The following ZNF274 variants were observed in gnomAD, a reference collection of about 807,000 sequenced individuals.
The protein encoded by ZNF274 is neurotrophin receptor-interacting factor homolog.
A neutral mutation model predicts 42.5 loss-of-function variants in ZNF274; 23 were observed. That is an observed-to-expected ratio of 0.54 (90% CI 0.39 to 0.77). The LOEUF (loss-of-function observed/expected upper bound fraction) is 0.77. Ranked by LOEUF, ZNF274 falls within the 30% of genes least tolerant of loss-of-function variation. ZNF274 has a pLI of 0.00. For synonymous variants in ZNF274, 292 were observed against 305.4 expected, an observed-to-expected ratio of 0.96 and a Z score of 0.46; for missense variants, 679 against 806.5, an observed-to-expected ratio of 0.84 and a Z score of 1.91.
At chr19:58,200,250 A>G (rs1034541047) in intron 4 of ZNF274, among the ~76,000 whole-genome samples, 1 of 152,232 alleles carries the variant, frequency 6.6e-6, no homozygotes, top group Non-Finnish European at 1.5e-5. Flanking sequence ...GAAGTTGCCC[A>G]TTCAGTACCT....
chr19:58,184,605 G>C (rs1404273058), intron 2 of ZNF274: 7 of 152,376 alleles, frequency 4.6e-5, no homozygotes, highest in South Asian at 2.0e-4. Context: ...CTTATGTTTA[G>C]ATTTCAGCAG....
chr19:58,185,695 A>G lies in ZNF274; in HGVS notation c.34-17A>G. 7.0e-7 allele frequency: 1 copy of G among 1,434,662 alleles called. No individual in the cohort carries two copies. The highest frequency in any genetic ancestry group is 9.2e-7 in the Non-Finnish European group (1 of 1,087,778). The allele number at this position is 1,434,662 out of a possible 1,614,324, so 88.9% of individuals were successfully genotyped here. A position where few individuals can be genotyped will look rare whatever the true frequency, so the allele number is the denominator to read the frequency against. ...GATGCGGATGGCCTGTGGCTGAACA[A>G]GAATCTGGATTTTTAGGAACCAGTG... On this transcript the variant is annotated splice_polypyrimidine_tract_variant and intron_variant, in intron 2 of 7. Transcript: ENST00000617501.
chr19:58,213,367 TGATA>T lies in ZNF274; in HGVS notation c.*225_*228del, dbSNP rs1273618498. 4.0e-6 allele frequency: 2 copies of T among 494,270 alleles called. No individual in the cohort carries two copies. The highest frequency in any genetic ancestry group is 3.8e-5 in the African/African-American group (2 of 52,508). The allele number at this position is 494,270 out of a possible 1,614,324, so 30.6% of individuals were successfully genotyped here. On this transcript the variant is annotated 3_prime_UTR_variant, in exon 8 of 8. Coordinates refer to ENST00000617501, the MANE Select transcript of ZNF274 (RefSeq NM_133502.3). ...TTGGAAAAAAGATTTCCCATTCACT[TGATA>T]TTGTTTGTTCACTCATTTAGTCATT...
chr19:58,188,692 A>ATT, intron 4 of ZNF274, among the ~76,000 whole-genome samples: 1 of 68,544 alleles, frequency 1.5e-5, no homozygotes, highest in African/African-American at 6.1e-5. Flanking sequence ...ATATATGTAT[A>ATT]TGTATATATA....
Position 58,207,117 on chromosome 19 carries a change from G to A in ZNF274, c.654G>A (p.Arg218=). 3.7e-6 allele frequency: 6 copies of A among 1,613,802 alleles called. No individual in the cohort carries two copies. Among genetic ancestry groups the A allele is most frequent in the Non-Finnish European group, 5.1e-6 (6 of 1,179,894 alleles). The part of the protein sequence containing the change: ...QFLGALPVKL[R]TWVESQHPEN... ...TAGGTGCACTGCCTGTGAAGCTCCG[G>A]ACATGGGTGGAATCGCAGCACCCAG... is the stretch of plus-strand genomic sequence containing the variant. Residue 218 remains arginine, a synonymous_variant, in exon 5 of 8, where the codon CGG becomes CGA. Transcript: ENST00000617501. This position sits in a 1 kb window ranked among gnomAD's most constrained non-coding sequence, Gnocchi z 5.6.
chr19:58,211,498 C>G lies in ZNF274; in HGVS notation c.853-62C>G. 2 of 1,553,972 alleles carry G rather than the reference C, an allele frequency of 1.3e-6. No individual in the cohort carries two copies. The highest frequency in any genetic ancestry group is 4.6e-5 in the East Asian group (2 of 43,250). ...CAGAACCTCCCAGCTGGCCTTTCTT[C>G]TGCCCTCATTGACAACCCTCTGACC... On this transcript the variant is annotated intron_variant, in intron 6 of 7. Coordinates refer to ENST00000617501, the MANE Select transcript of ZNF274 (RefSeq NM_133502.3). The surrounding 1 kb of genome is among the most constrained non-coding windows in gnomAD (Gnocchi z 4.8).
Position 58,187,016 on chromosome 19 carries a change from G to A in ZNF274, c.230G>A (p.Arg77Lys). ...EEAEDFWPVE[R>K]GIPQDTIPEY... ...GCAGAAGATTTCTGGCCAGTGGAGAGAGGAATTCCTCAAGACACCATTCCA... is the reference window on the plus strand; with the variant it reads ...GCAGAAGATTTCTGGCCAGTGGAGAAAGGAATTCCTCAAGACACCATTCCA... The change falls in exon 4 of 8, where the codon AGA (arginine) becomes AAA (lysine). Residue 77 changes from arginine to lysine, a missense_variant. Physicochemically the swap from Arg to Lys is conservative, Grantham distance 26. Coordinates refer to ENST00000617501, the MANE Select transcript of ZNF274 (RefSeq NM_133502.3). 6.2e-7 allele frequency: 1 copy of A among 1,613,042 alleles called. No homozygotes were observed. Among genetic ancestry groups the A allele is most frequent in the Non-Finnish European group, 8.5e-7 (1 of 1,179,538 alleles).
chr19:58,194,820 C>G (rs949788631), intron 4 of ZNF274, among the ~76,000 whole-genome samples: 1 of 151,880 alleles, frequency 6.6e-6, no homozygotes, highest in Non-Finnish European at 1.5e-5. Context: ...CTGGCTAACA[C>G]GGAAACCCCA....
chr19:58,211,283 C>T lies in ZNF274; in HGVS notation c.853-277C>T, dbSNP rs1356131744. 2.2e-5 allele frequency: 7 copies of T among 317,414 alleles called. No individual in the cohort carries two copies. Among genetic ancestry groups the T allele is most frequent in the African/African-American group, 4.3e-5 (2 of 46,918 alleles). The allele number at this position is 317,414 out of a possible 1,614,324, so 19.7% of individuals were successfully genotyped here. On this transcript the variant is annotated intron_variant, in intron 6 of 7. Coordinates refer to ENST00000617501, the MANE Select transcript of ZNF274 (RefSeq NM_133502.3). The surrounding 1 kb of genome is among the most constrained non-coding windows in gnomAD (Gnocchi z 4.8). ...TGGGAAGATTTCAGCAATGGGCAAG[C>T]TGGATAGAGCCGTGGTTAGGATGGA...
intron 4 of ZNF274, among the ~76,000 whole-genome samples, chr19:58,205,616 T>A (rs958722619): frequency 5.3e-5 from 8 of 152,192 alleles, no homozygotes; most frequent in African/African-American, 1.9e-4. Context: ...ATCACAGGTG[T>A]GAGCCACCCC....
chr19:58,197,192 C>T (rs972435779), intron 4 of ZNF274, among the ~76,000 whole-genome samples: 1 of 152,180 alleles, frequency 6.6e-6, no homozygotes, highest in East Asian at 1.9e-4. Context: ...AAGGATCCCT[C>T]TCTGAACACA....
rs767111760 is a variant in ZNF274 at position 58,212,874 on chromosome 19, T to C, written c.1693T>C (p.Cys565Arg). ...RVHSGERPFE[C>R]QECGRTFNDR... ...TCATTCTGGAGAGAGACCATTTGAATGTCAGGAGTGTGGGAGGACCTTCAA... is the reference window on the plus strand; with the variant it reads ...TCATTCTGGAGAGAGACCATTTGAACGTCAGGAGTGTGGGAGGACCTTCAA... Residue 565 changes from cysteine (C) to arginine (R), a missense_variant, in exon 8 of 8, where the codon TGT becomes CGT. Cys to Arg is a radical substitution (Grantham distance 180). Coordinates refer to ENST00000617501, the MANE Select transcript of ZNF274 (RefSeq NM_133502.3). This position sits in a 1 kb window ranked among gnomAD's most constrained non-coding sequence, Gnocchi z 4.6. 4 of 1,613,994 alleles carry C rather than the reference T, an allele frequency of 2.5e-6. No homozygotes were observed. Among genetic ancestry groups the C allele is most frequent in the Non-Finnish European group, 3.4e-6 (4 of 1,179,904 alleles).
At position 58,206,852 on chromosome 19, in the gene ZNF274, C is replaced by A; in HGVS notation, c.389C>A (p.Ala130Asp). The change falls in exon 5 of 8, where the codon GCC (alanine) becomes GAC (aspartate). Residue 130 changes from alanine (A) to aspartate (D), a missense_variant. Transcript: ENST00000617501. ...VAGPRNAQIQ[A>D]LYAEDGSLSA... Reference sequence around the variant, plus strand: ...GGTCCCCGGAATGCCCAGATCCAGGCCCTATATGCTGAAGATGGAAGCCTG... The same window carrying A: ...GGTCCCCGGAATGCCCAGATCCAGGACCTATATGCTGAAGATGGAAGCCTG... 1 of 1,613,976 alleles carries A rather than the reference C, an allele frequency of 6.2e-7. No homozygotes were observed. Among genetic ancestry groups the A allele is most frequent in the Non-Finnish European group, 8.5e-7 (1 of 1,179,878 alleles).
Position 58,213,224 on chromosome 19 carries a change from A to G in ZNF274, c.*81A>G. The G allele has an allele frequency of 6.7e-7, 1 of 1,500,182 alleles. No individual in the cohort carries two copies. The highest frequency in any genetic ancestry group is 1.4e-5 in the African/African-American group (1 of 71,698). The allele number at this position is 1,500,182 out of a possible 1,614,324, so 92.9% of individuals were successfully genotyped here. ...TGCACAGGCCTGCTTGTGAATCAGG[A>G]CTGAATGTGAAAGGGAAGTATTGAG... On this transcript the variant is annotated 3_prime_UTR_variant, in exon 8 of 8. Transcript: ENST00000617501.
chr19:58,195,007 T>A (rs959210221), intron 4 of ZNF274, among the ~76,000 whole-genome samples: 5 of 144,010 alleles, frequency 3.5e-5, no homozygotes, highest in Admixed American at 1.4e-4. Flanking sequence ...TGTCAAAAAA[T>A]AATAATAATA....
rs906325633 is a variant in ZNF274 at position 58,213,430 on chromosome 19, A to G, written c.*287A>G. ...GATTAATAAAATCTGAAAATGTTAT[A>G]TAATAACTTTAAAAAGCCAGGTAAT... On this transcript the variant is annotated 3_prime_UTR_variant, in exon 8 of 8. Coordinates refer to ENST00000617501, the MANE Select transcript of ZNF274 (RefSeq NM_133502.3). 5 of 345,052 alleles carry G rather than the reference A, an allele frequency of 1.4e-5. No individual in the cohort carries two copies. The Admixed American group carries it at 1.7e-4, about 12-fold the overall frequency. 21.4% of individuals were successfully genotyped at this position (345,052 alleles called of 1,614,324 possible). A position where few individuals can be genotyped will look rare whatever the true frequency, so the allele number is the denominator to read the frequency against.
In ZNF274 at chr19:58,206,887, G is replaced by A. The variant is rs766401665; in HGVS notation, c.424G>A (p.Ala142Thr). 2 of 1,613,248 alleles carry A rather than the reference G, an allele frequency of 1.2e-6. No homozygotes were observed. Among genetic ancestry groups the A allele is most frequent in the Admixed American group, 3.3e-5 (2 of 59,898 alleles). ...TGAAGATGGAAGCCTGAGTGCAGAT[G>A]CCCCCAGTGAGCAGGTCCAACAGCA... ...YAEDGSLSAD[A>T]PSEQVQQQGK... The change falls in exon 5 of 8, where the codon GCC becomes ACC. Residue 142 changes from alanine to threonine, a missense_variant. This residue lies in a region of ZNF274 where 223 missense variants were observed against 216.4 expected (regional missense o/e 1.03). Coordinates refer to ENST00000617501, the MANE Select transcript of ZNF274 (RefSeq NM_133502.3).
chr19:58,186,535 CAAAAA>C (rs10695409), intron 3 of ZNF274, among the ~76,000 whole-genome samples: 1 of 102,238 alleles, frequency 9.8e-6, no homozygotes, highest in Non-Finnish European at 1.9e-5. Context: ...GACTCCGTCT[CAAAAA>C]AAAAAAAAAA....
chr19:58,206,667 G>A (rs926233959), intron 4 of ZNF274, 53 bp from the exon 5 acceptor site: 2 of 1,494,650 alleles, frequency 1.3e-6, no homozygotes, highest in Admixed American at 4.6e-5. Context: ...ATGGCGTTGA[G>A]CATCTTTTCA....
Sources: allele counts gnomAD v4.1 joint callset (sites outside exome capture counted in the v4.1 genomes callset), GRCh38; gene constraint gnomAD v4.1.1; regional missense constraint gnomAD v4.1.1; non-coding constraint Gnocchi (gnomAD v3.1); transcripts MANE v1.5; gene names NCBI Gene and HGNC (gene_info 2026-07-23, HGNC 2026-07-21).